DEPDC1: variants seen among roughly 807,000 people sequenced by gnomAD.
The protein encoded by DEPDC1 is DEP domain-containing protein 1A.
A neutral mutation model predicts 86.8 loss-of-function variants in DEPDC1; 66 were observed. That is an observed-to-expected ratio of 0.76 (90% CI 0.62 to 0.93). DEPDC1 has a LOEUF of 0.93. Ranked by LOEUF, DEPDC1 falls within the 40% of genes least tolerant of loss-of-function variation. The pLI, the probability that DEPDC1 is intolerant of heterozygous loss-of-function variation, is 0.00. For missense variants in DEPDC1, 792 were observed against 935.7 expected, an observed-to-expected ratio of 0.85 and a Z score of 2.00; for synonymous variants, 255 against 314.9, an observed-to-expected ratio of 0.81 and a Z score of 2.02.
In DEPDC1 at chr1:68,484,028, T is replaced by C; in HGVS notation, c.832A>G (p.Thr278Ala). 1.3e-6 allele frequency: 2 copies of C among 1,584,930 alleles called. No individual in the cohort carries two copies. The highest frequency in any genetic ancestry group is 1.4e-5 in the African/African-American group (1 of 73,474). The change falls in exon 7 of 12, where the codon ACA (threonine) becomes GCA (alanine). Residue 278 changes from threonine to alanine, a missense_variant. Transcript: ENST00000456315. ...YVGFERDVFR[T>A]IADYFLDLPE... ...AGATCTAGAAAATAATCTGCGATTG[T>C]TCTGAATACATCTCGTTCAAATCCA...
Position 68,487,863 on chromosome 1 carries a change from A to G in DEPDC1, c.721+511T>C, listed in dbSNP as rs565383800. Among the ~76,000 whole-genome samples, 75 of 152,032 alleles carry G rather than the reference A, an allele frequency of 4.9e-4. No homozygotes were observed. In the South Asian group the frequency reaches 0.015, roughly 29 times the overall value. ...TATCTAAATCTGAAATCAATCAACTATATAAATATATAAAACAAAAAAGCC... is the reference window on the plus strand; with the variant it reads ...TATCTAAATCTGAAATCAATCAACTGTATAAATATATAAAACAAAAAAGCC... On this transcript the variant is annotated intron_variant, in intron 5 of 11. Transcript: ENST00000456315.
chr1:68,491,532 G>A (rs902333579), intron 2 of DEPDC1, among the ~76,000 whole-genome samples: 2 of 152,186 alleles, frequency 1.3e-5, no homozygotes, highest in African/African-American at 4.8e-5. Context: ...TGGCAAGGTT[G>A]CGGAGAAAAT....
Position 68,475,318 on chromosome 1 carries a change from T to C in DEPDC1, c.*1614A>G, listed in dbSNP as rs1646107818. The C allele has an allele frequency of 6.6e-6, 1 of 151,958 alleles. No homozygotes were observed. The highest frequency in any genetic ancestry group is 1.5e-5 in the Non-Finnish European group (1 of 67,866). The allele number at this position is 151,958 out of a possible 1,614,324, so 9.4% of individuals were successfully genotyped here. ...TGTCTATAATACAAAAGCAAAATTA[T>C]ATTGTTACAAAACCCCAAATAATTT... On this transcript the variant is annotated 3_prime_UTR_variant, in exon 12 of 12. Transcript: ENST00000456315.
chr1:68,483,879 A>T, intron 7 of DEPDC1, 71 bp downstream of exon 7: 1 of 1,011,454 alleles, frequency 9.9e-7, no homozygotes, highest in Non-Finnish European at 1.4e-6. Context: ...CTATGGTTTT[A>T]GATCTTCTAA....
intron 10 of DEPDC1, among the ~76,000 whole-genome samples, chr1:68,478,410 A>G (rs1202250627): frequency 6.6e-6 from 1 of 151,176 alleles, no homozygotes. Flanking sequence ...GATGATCAGC[A>G]TATTTACTGA....
intron 9 of DEPDC1, among the ~76,000 whole-genome samples, chr1:68,479,769 C>T (rs562078968): frequency 2.0e-5 from 3 of 150,256 alleles, no homozygotes; most frequent in South Asian, 4.2e-4. Flanking sequence ...CACCACTGTA[C>T]TCTAGCCTGG....
intron 2 of DEPDC1, among the ~76,000 whole-genome samples, chr1:68,491,623 C>A (rs1002625537): frequency 6.6e-6 from 1 of 152,062 alleles, no homozygotes; most frequent in African/African-American, 2.4e-5. Context: ...TTCATATCTC[C>A]CTCTAAGGGA....
rs184023754 is a variant in DEPDC1 at position 68,481,073 on chromosome 1, G to A, written c.1935+367C>T. Among the ~76,000 whole-genome samples, 11 of 151,836 alleles carry A rather than the reference G, an allele frequency of 7.2e-5. No individual in the cohort carries two copies. The South Asian group carries it at 1.0e-3, about 14-fold the overall frequency. ...GTATTAAGTTCCATTAGTTCTCTGC[G>A]TCCACAGTTATAGTCTCCTTAGGCT... On this transcript the variant is annotated intron_variant, in intron 9 of 11. Coordinates refer to ENST00000456315, the MANE Select transcript of DEPDC1 (RefSeq NM_001114120.3).
Position 68,474,941 on chromosome 1 carries a change from C to T in DEPDC1, c.*1991G>A, listed in dbSNP as rs1053989136. 3 of 152,052 alleles carry T rather than the reference C, an allele frequency of 2.0e-5. No homozygotes were observed. The highest frequency in any genetic ancestry group is 4.4e-5 in the Non-Finnish European group (3 of 67,922). 9.4% of individuals were successfully genotyped at this position (152,052 alleles called of 1,614,324 possible). ...CTGTCCAAAGCAACAGAAAGGACCACATTTTTGCTAAGATCTCTTCTAGTG... is the reference window on the plus strand; with the variant it reads ...CTGTCCAAAGCAACAGAAAGGACCATATTTTTGCTAAGATCTCTTCTAGTG... On this transcript the variant is annotated 3_prime_UTR_variant, in exon 12 of 12. Coordinates refer to ENST00000456315, the MANE Select transcript of DEPDC1 (RefSeq NM_001114120.3).
At chr1:68,494,349 G>T in intron 2 of DEPDC1, 81 bp downstream of exon 2, 2 of 1,244,746 alleles carry the variant, frequency 1.6e-6, no homozygotes, top group Non-Finnish European at 2.2e-6. Flanking sequence ...TGAAGAAGCT[G>T]CTGTTATAGT....
upstream of DEPDC1, chr1:68,497,082 C>CA: frequency 6.7e-7 from 1 of 1,485,122 alleles, no homozygotes; most frequent in Middle Eastern, 1.9e-4. Flanking sequence ...AGTCTCGGCA[C>CA]AACCGTTGGC....
intron 9 of DEPDC1, among the ~76,000 whole-genome samples, chr1:68,480,627 G>C (rs1440325287): frequency 3.3e-5 from 5 of 151,798 alleles, no homozygotes; most frequent in Non-Finnish European, 2.9e-5. Context: ...AATCTTAAAA[G>C]TGCAAAACCA....
Position 68,496,678 on chromosome 1 carries a change from G to A in DEPDC1, c.48+274C>T. On this transcript the variant is annotated intron_variant, in intron 1 of 11. Transcript: ENST00000456315. This position sits in a 1 kb window ranked among gnomAD's most constrained non-coding sequence, Gnocchi z 4.0. ...CCCCACGGGACGCCGGCCACACCAG[G>A]CACAGGAGTCGCTCCTCATAGCGAG... 2.5e-6 allele frequency: 1 copy of A among 399,220 alleles called. No homozygotes were observed. Among genetic ancestry groups the A allele is most frequent in the Non-Finnish European group, 4.5e-6 (1 of 222,658 alleles). The allele number at this position is 399,220 out of a possible 1,614,324, so 24.7% of individuals were successfully genotyped here.
At chr1:68,491,508 AAAAT>A (rs1646228456) in intron 2 of DEPDC1, among the ~76,000 whole-genome samples, 2 of 152,214 alleles carry the variant, frequency 1.3e-5, no homozygotes. Context: ...AAAAAACAAA[AAAAT>A]AACAGGTGCT....
intron 6 of DEPDC1, among the ~76,000 whole-genome samples, chr1:68,484,377 A>C (rs1469404229): frequency 6.6e-6 from 1 of 152,080 alleles, no homozygotes; most frequent in Non-Finnish European, 1.5e-5. Context: ...GTTTAATAAG[A>C]TTTTATTGTA....
Position 68,497,037 on chromosome 1 carries a change from G to A in DEPDC1, c.-38C>T. 1.9e-6 allele frequency: 3 copies of A among 1,608,502 alleles called. No homozygotes were observed. Among genetic ancestry groups the A allele is most frequent in the South Asian group, 2.2e-5 (2 of 90,880 alleles). On this transcript the variant is annotated 5_prime_UTR_variant, in exon 1 of 12. Transcript: ENST00000456315. ...GCCCGGTGGCGTCCATGGCGGCGAA[G>A]GCGACACTCAGGCCCAGCGGCCGCG...
intron 2 of DEPDC1, among the ~76,000 whole-genome samples, chr1:68,493,315 G>A (rs1052559898): frequency 6.6e-6 from 1 of 151,714 alleles, no homozygotes; most frequent in Admixed American, 6.6e-5. Flanking sequence ...TAATGTTGTA[G>A]GAAAAAAAAA....
At chr1:68,493,777 G>A (rs1043936450) in intron 2 of DEPDC1, among the ~76,000 whole-genome samples, 4 of 152,132 alleles carry the variant, frequency 2.6e-5, no homozygotes, top group Admixed American at 6.6e-5. Flanking sequence ...GTGCAGTGGT[G>A]CAATCTCAGC....
intron 11 of DEPDC1, 48 bp downstream of exon 11, chr1:68,477,739 G>T: frequency 8.3e-7 from 1 of 1,201,866 alleles, no homozygotes; most frequent in Non-Finnish European, 1.1e-6. Flanking sequence ...ACCAGGAACA[G>T]CACATTAGAA....
Sources: gnomAD v4.1 joint callset for allele counts (sites outside exome capture counted in the v4.1 genomes callset) on GRCh38, gnomAD v4.1.1 for gene constraint, Gnocchi (gnomAD v3.1) non-coding constraint, MANE v1.5 for transcripts, NCBI Gene and HGNC (gene_info 2026-07-23, HGNC 2026-07-21) for gene names.